Variants in SLC47A1 observed in about 807,000 individuals in gnomAD.
SLC47A1 encodes the protein solute carrier family 47 member 1, also known as multidrug and toxin extrusion protein 1.
Under a neutral mutation model 65.8 loss-of-function variants are expected in SLC47A1, and 58 were observed. That is an observed-to-expected ratio of 0.88 (90% CI 0.71 to 1.10). The LOEUF is 1.10. SLC47A1 is among the 50% of genes least tolerant of loss of function. The pLI is 0.00. For synonymous variants in SLC47A1, 285 were observed against 295.0 expected (o/e 0.97, Z 0.35); for missense variants, 706 against 719.2 (o/e 0.98, Z 0.21).
intron 10 of SLC47A1, 22 bp from the exon 11 acceptor site, chr17:19,560,166 G>A (rs765313280): frequency 6.4e-7 from 1 of 1,559,698 alleles, no homozygotes; most frequent in Non-Finnish European, 8.8e-7. Flanking sequence ...ACTCATTGTT[G>A]CAGGTTTCCT....
Position 19,555,195 on chromosome 17 carries a change from C to T in SLC47A1, c.544-17C>T, listed in dbSNP as rs763581800. 8.7e-6 allele frequency: 14 copies of T among 1,609,754 alleles called. No individual in the cohort carries two copies. Among genetic ancestry groups the T allele is most frequent in the African/African-American group, 4.0e-5 (3 of 74,810 alleles). On this transcript the variant is annotated splice_polypyrimidine_tract_variant and intron_variant, in intron 6 of 16. Transcript: ENST00000270570. ...TTCTGTGGATCTCAAGGATGGCATG[C>T]GGTGTCCTTTTTCCAGGGAATTGTA... is the stretch of plus-strand genomic sequence containing the variant.
At chr17:19,567,986 T>C (rs1053104054) in intron 14 of SLC47A1, 2 of 152,232 alleles carry the variant, frequency 1.3e-5, no homozygotes, top group African/African-American at 4.8e-5. Context: ...CCAGAGCTAA[T>C]CTTTTTAAAA....
intron 15 of SLC47A1, among the ~76,000 whole-genome samples, chr17:19,572,518 T>G (rs781087918): frequency 2.3e-4 from 35 of 152,086 alleles, no homozygotes; most frequent in Non-Finnish European, 4.1e-4. Context: ...GATGGGATCT[T>G]GCTGTGTTGC....
chr17:19,577,897 C>A lies in SLC47A1; in HGVS notation c.*344C>A. On this transcript the variant is annotated 3_prime_UTR_variant, in exon 17 of 17. Coordinates refer to ENST00000270570, the MANE Select transcript of SLC47A1 (RefSeq NM_018242.3). ...ACTAACTGCTTAAGAATTCATACTGCTTGAATTATGTAAAATATATTTTAC... is the reference window on the plus strand; with the variant it reads ...ACTAACTGCTTAAGAATTCATACTGATTGAATTATGTAAAATATATTTTAC... The A allele has an allele frequency of 1.9e-5, 24 of 1,236,486 alleles. No individual in the cohort carries two copies. The highest frequency in any genetic ancestry group is 2.3e-5 in the Non-Finnish European group (22 of 972,050). 76.6% of individuals were successfully genotyped at this position (1,236,486 alleles called of 1,614,324 possible).
chr17:19,537,420 G>T (rs563138879), intron 1 of SLC47A1, among the ~76,000 whole-genome samples: 3 of 152,210 alleles, frequency 2.0e-5, no homozygotes, highest in Non-Finnish European at 4.4e-5. Context: ...AATTCTGCAG[G>T]GGAAGCCTGG....
chr17:19,555,120 G>A (rs1916565067), intron 6 of SLC47A1, 92 bp from the exon 7 acceptor site: 1 of 1,168,654 alleles, frequency 8.6e-7, no homozygotes, highest in Non-Finnish European at 1.3e-6. Context: ...TACCCGCTGA[G>A]CAGGCCAGCT....
intron 2 of SLC47A1, among the ~76,000 whole-genome samples, chr17:19,545,287 C>T (rs561574257): frequency 2.6e-5 from 4 of 151,218 alleles, no homozygotes; most frequent in Non-Finnish European, 4.4e-5. Context: ...TTCCGCTTCC[C>T]GGGTTCAAGT....
intron 1 of SLC47A1, 186 bp downstream of exon 1, chr17:19,534,260 C>T: frequency 1.5e-6 from 1 of 681,136 alleles, no homozygotes. Context: ...CGGCCGCTTT[C>T]CGCTCCGCAC....
chr17:19,574,879 G>A (rs974441703), intron 16 of SLC47A1, among the ~76,000 whole-genome samples: 6 of 151,990 alleles, frequency 3.9e-5, no homozygotes, highest in African/African-American at 1.2e-4. Context: ...CAAGTGATCC[G>A]CCTGGCTCGG....
At chr17:19,558,511 G>A (rs77968413) in intron 10 of SLC47A1, among the ~76,000 whole-genome samples, 2,965 of 151,470 alleles carry the variant, frequency 0.02, 91 homozygotes, top group African/African-American at 0.067. Context: ...TGGTGACAGC[G>A]GCCTGATCTT....
chr17:19,566,881 C>T, intron 13 of SLC47A1, 22 bp downstream of exon 13: 1 of 1,613,150 alleles, frequency 6.2e-7, no homozygotes, highest in East Asian at 2.2e-5. Flanking sequence ...GTAGTAGTCC[C>T]CTAAGCACTG....
chr17:19,545,484 G>T (rs565817334), intron 2 of SLC47A1, among the ~76,000 whole-genome samples: 170 of 147,258 alleles, frequency 1.2e-3, no homozygotes, highest in Middle Eastern at 4.3e-3. Flanking sequence ...GAGCCACTAT[G>T]CTCGGCCAGA....
chr17:19,538,966 G>C (rs994423061), intron 1 of SLC47A1, among the ~76,000 whole-genome samples: 1 of 152,192 alleles, frequency 6.6e-6, no homozygotes, highest in Non-Finnish European at 1.5e-5. Flanking sequence ...GCAGGGTCTC[G>C]CTGTGTCACC....
chr17:19,537,631 A>G (rs1311914310), intron 1 of SLC47A1, among the ~76,000 whole-genome samples: 1 of 152,194 alleles, frequency 6.6e-6, no homozygotes, highest in Non-Finnish European at 1.5e-5. Flanking sequence ...TAGCTCCTTA[A>G]ATACCTCTCA....
intron 14 of SLC47A1, chr17:19,571,096 C>G (rs2084396227): frequency 6.4e-6 from 1 of 157,120 alleles, no homozygotes; most frequent in Middle Eastern, 3.2e-3. Flanking sequence ...ATGTTAGTCC[C>G]CTTTTTTGAG....
At chr17:19,551,845 G>A (rs554899487) in intron 6 of SLC47A1, among the ~76,000 whole-genome samples, 24 of 152,194 alleles carry the variant, frequency 1.6e-4, no homozygotes, top group Non-Finnish European at 3.1e-4. Context: ...GGGGCAGCTC[G>A]TCTGGCAGAG....
chr17:19,555,705 T>A lies in SLC47A1; in HGVS notation c.739+15T>A. 6.2e-7 allele frequency: 1 copy of A among 1,613,962 alleles called. No homozygotes were observed. Among genetic ancestry groups the A allele is most frequent in the Non-Finnish European group, 8.5e-7 (1 of 1,179,886 alleles). On this transcript the variant is annotated intron_variant, in intron 8 of 16. Transcript: ENST00000270570. Reference sequence around the variant, plus strand: ...TACATGGGGAGGTAATGACTGCCCTTTTGTCTTCCAACTGGGATGTGGGTT... The same window carrying A: ...TACATGGGGAGGTAATGACTGCCCTATTGTCTTCCAACTGGGATGTGGGTT...
intron 5 of SLC47A1, among the ~76,000 whole-genome samples, chr17:19,550,607 A>T (rs1023407290): frequency 6.6e-6 from 1 of 152,202 alleles, no homozygotes; most frequent in Non-Finnish European, 1.5e-5. Flanking sequence ...GAGCCACCAC[A>T]CCTGGCCTGA....
rs182309754 is a variant in SLC47A1, at chr17:19,537,580, C to T, written c.135+3506C>T. Among the ~76,000 whole-genome samples the T allele has an allele frequency of 6.6e-5, 10 of 152,360 alleles. No individual in the cohort carries two copies. The East Asian group carries it at 1.2e-3, about 18-fold the overall frequency. On this transcript the variant is annotated intron_variant, in intron 1 of 16. Transcript: ENST00000270570. ...GTCCGGCCCCCACGCCTCTACTCCC[C>T]GTTCCCTCCTCCAATCCGTCCTCAC...
Sources: gnomAD v4.1 joint callset for allele counts (sites outside exome capture counted in the v4.1 genomes callset) on GRCh38, gnomAD v4.1.1 for gene constraint, MANE v1.5 for transcripts, NCBI Gene and HGNC (gene_info 2026-07-23, HGNC 2026-07-21) for gene names.